Variants in PIP5K1B observed in about 807,000 individuals in gnomAD.
The protein encoded by PIP5K1B is phosphatidylinositol-4-phosphate 5-kinase type 1 beta.
PIP5K1B carries 42 observed loss-of-function variants against 67.0 expected under a neutral mutation model. That is an observed-to-expected ratio of 0.63 (90% confidence interval 0.49 to 0.81). The LOEUF is 0.81. Among genes scored for constraint, PIP5K1B ranks in the 30% least tolerant of loss-of-function variants. PIP5K1B has a pLI of 0.00. For synonymous variants in PIP5K1B, 214 were observed against 231.4 expected, an observed-to-expected ratio of 0.92 and a Z score of 0.68; for missense variants, 459 against 646.3, an observed-to-expected ratio of 0.71 and a Z score of 3.14.
intron 3 of PIP5K1B, among the ~76,000 whole-genome samples, chr9:68,821,930 A>G (rs1158044301): frequency 6.6e-6 from 1 of 152,226 alleles, no homozygotes; most frequent in Admixed American, 6.5e-5. Flanking sequence ...ATCAAATGGG[A>G]AAATGTTTAT....
chr9:68,733,102 G>A (rs1263145899), intron 1 of PIP5K1B, among the ~76,000 whole-genome samples: 2 of 152,178 alleles, frequency 1.3e-5, no homozygotes, highest in Admixed American at 6.5e-5. Context: ...TCATGTACTT[G>A]TGTAGTTGAA....
At chr9:68,716,581 A>AACAT (rs1175814074) in intron 1 of PIP5K1B, among the ~76,000 whole-genome samples, 1 of 152,218 alleles carries the variant, frequency 6.6e-6, no homozygotes, top group East Asian at 1.9e-4. Flanking sequence ...GTCAAAAAAT[A>AACAT]ACATAGGCTG....
At chr9:68,751,584 T>A (rs1297508901) in intron 2 of PIP5K1B, among the ~76,000 whole-genome samples, 1 of 152,228 alleles carries the variant, frequency 6.6e-6, no homozygotes, top group East Asian at 1.9e-4. Flanking sequence ...CATGGATGAC[T>A]CCAGAGATTG....
intron 2 of PIP5K1B, among the ~76,000 whole-genome samples, chr9:68,766,264 T>A (rs985103022): frequency 6.6e-6 from 1 of 152,132 alleles, no homozygotes; most frequent in Non-Finnish European, 1.5e-5. Context: ...TTTTTGCTGC[T>A]TTTTTTATAT....
At chr9:68,869,846 G>T (rs990893940) in intron 5 of PIP5K1B, among the ~76,000 whole-genome samples, 1 of 152,050 alleles carries the variant, frequency 6.6e-6, no homozygotes, top group Admixed American at 6.5e-5. Flanking sequence ...AAATAAAAAA[G>T]AAAAAGATTA....
intron 2 of PIP5K1B, among the ~76,000 whole-genome samples, chr9:68,752,186 T>C (rs1417737376): frequency 6.6e-6 from 1 of 152,234 alleles, no homozygotes; most frequent in Non-Finnish European, 1.5e-5. Context: ...GTGTCTATTA[T>C]GGTATCTTGC....
chr9:68,832,630 T>C (rs569261822), intron 4 of PIP5K1B, among the ~76,000 whole-genome samples: 1 of 152,314 alleles, frequency 6.6e-6, no homozygotes, highest in Admixed American at 6.5e-5. Flanking sequence ...GTGGGGGCTG[T>C]GAAATTAAGA....
At chr9:68,929,241 T>C (rs1024255647) in intron 12 of PIP5K1B, among the ~76,000 whole-genome samples, 1 of 147,014 alleles carries the variant, frequency 6.8e-6, no homozygotes, top group Non-Finnish European at 1.5e-5. Context: ...GTTTGGAGGG[T>C]GCACATATTG....
intron 14 of PIP5K1B, among the ~76,000 whole-genome samples, chr9:68,960,936 C>T (rs942700658): frequency 6.6e-6 from 1 of 151,944 alleles, no homozygotes; most frequent in African/African-American, 2.4e-5. Flanking sequence ...ACCGGCCGGG[C>T]GCGGTGGCTC....
intron 2 of PIP5K1B, among the ~76,000 whole-genome samples, chr9:68,789,829 C>T (rs919963629): frequency 3.9e-5 from 6 of 152,182 alleles, no homozygotes; most frequent in African/African-American, 7.2e-5. Context: ...CCTCACTCCT[C>T]GGAGCACCTG....
At chr9:68,762,230 C>T (rs747893325) in intron 2 of PIP5K1B, among the ~76,000 whole-genome samples, 1 of 152,042 alleles carries the variant, frequency 6.6e-6, no homozygotes, top group Non-Finnish European at 1.5e-5. Context: ...AATGCATTAT[C>T]TAAGCTTAAT....
At chr9:68,755,272 T>C (rs886627137) in intron 2 of PIP5K1B, among the ~76,000 whole-genome samples, 1 of 152,242 alleles carries the variant, frequency 6.6e-6, no homozygotes, top group Non-Finnish European at 1.5e-5. Context: ...GAATCCACTT[T>C]CGTTTTTACT....
chr9:68,988,925 C>T (rs539494756), intron 14 of PIP5K1B, among the ~76,000 whole-genome samples: 19 of 151,276 alleles, frequency 1.3e-4, no homozygotes, highest in Non-Finnish European at 2.7e-4. Context: ...TGAAACCCCA[C>T]CTCTACTAAA....
chr9:68,914,959 T>TAC (rs1826026663), intron 8 of PIP5K1B, among the ~76,000 whole-genome samples: 1 of 152,238 alleles, frequency 6.6e-6, no homozygotes, highest in African/African-American at 2.4e-5. Context: ...AGCGAACACC[T>TAC]GTTGTCTCTT....
intron 14 of PIP5K1B, among the ~76,000 whole-genome samples, chr9:68,958,120 G>A (rs1266168902): frequency 3.3e-5 from 5 of 152,052 alleles, no homozygotes; most frequent in South Asian, 2.1e-4. Flanking sequence ...CGATCCACCC[G>A]CCTTGGCCTC....
At chr9:68,789,597 T>C (rs1458849639) in intron 2 of PIP5K1B, 1 of 425,652 alleles carries the variant, frequency 2.3e-6, no homozygotes, top group Non-Finnish European at 4.7e-6. Flanking sequence ...AACAGAACAG[T>C]GTACCACACT....
chr9:68,924,823 T>C (rs892375851), intron 12 of PIP5K1B, among the ~76,000 whole-genome samples: 5 of 152,076 alleles, frequency 3.3e-5, no homozygotes, highest in Middle Eastern at 3.4e-3. Flanking sequence ...ACACTTGCAA[T>C]GTAAACATTT....
chr9:68,877,177 C>A (rs528686421), intron 6 of PIP5K1B, among the ~76,000 whole-genome samples: 3 of 152,358 alleles, frequency 2.0e-5, no homozygotes, highest in Non-Finnish European at 4.4e-5. Context: ...CCTTGGCCCA[C>A]AATCATTTCA....
intron 4 of PIP5K1B, among the ~76,000 whole-genome samples, chr9:68,846,335 C>A (rs1167866773): frequency 1.3e-5 from 2 of 152,154 alleles, no homozygotes; most frequent in African/African-American, 4.8e-5. Flanking sequence ...GTACTGTAAA[C>A]AATTGCTATG....
Sources: gnomAD v4.1 joint callset for allele counts (sites outside exome capture counted in the v4.1 genomes callset) on GRCh38, gnomAD v4.1.1 for gene constraint, MANE v1.5 for transcripts, NCBI Gene and HGNC (gene_info 2026-07-23, HGNC 2026-07-21) for gene names.